PRKN: variants seen among roughly 807,000 people sequenced by gnomAD.
PRKN encodes E3 ubiquitin-protein ligase parkin.
PRKN carries 56 observed loss-of-function variants against 59.5 expected under a neutral mutation model. That is an observed-to-expected ratio of 0.94 (90% CI 0.76 to 1.18). The LOEUF is 1.18. PRKN is among the 50% of genes most tolerant of loss of function. The probability of loss-of-function intolerance (pLI) is 0.00; values close to 1 mark genes in which losing one functional copy is unlikely to be tolerated. For synonymous variants in PRKN, 250 were observed against 222.1 expected (o/e 1.13, Z -1.12); for missense variants, 657 against 596.4 (o/e 1.10, Z -1.06).
In PRKN at chr6:161,592,407, T is replaced by A. The variant is rs2128141101; in HGVS notation, c.872-22991A>T. Among the ~76,000 whole-genome samples, 1 of 152,348 alleles carries A rather than the reference T, an allele frequency of 6.6e-6. No individual in the cohort carries two copies. The highest frequency in any genetic ancestry group is 2.4e-5 in the African/African-American group (1 of 41,580). On this transcript the variant is annotated intron_variant, in intron 7 of 11. Transcript: ENST00000366898. The surrounding 1 kb of genome is among the most constrained non-coding windows in gnomAD (Gnocchi z 4.8). ...ATTCTCTTTAATATACTCTTCTGTT[T>A]ATATAATGTGGGGCTAGTAGACGAA...
At chr6:162,095,932 C>T (rs541710593) in intron 4 of PRKN, among the ~76,000 whole-genome samples, 7 of 152,288 alleles carry the variant, frequency 4.6e-5, no homozygotes, top group Non-Finnish European at 8.8e-5. Flanking sequence ...AGATCCTGGA[C>T]ACACACCCAC....
At chr6:162,172,615 C>A (rs1414387650) in intron 4 of PRKN, among the ~76,000 whole-genome samples, 1 of 152,178 alleles carries the variant, frequency 6.6e-6, no homozygotes, top group Non-Finnish European at 1.5e-5. Context: ...GTGGTGAGAA[C>A]TAAATGAGTT....
At chr6:161,481,347 G>C (rs913232697) in intron 9 of PRKN, among the ~76,000 whole-genome samples, 1 of 152,118 alleles carries the variant, frequency 6.6e-6, no homozygotes, top group Non-Finnish European at 1.5e-5. Context: ...GCTCACTCCT[G>C]TAATCCCAGA....
chr6:162,212,278 C>T (rs756766930), intron 3 of PRKN, among the ~76,000 whole-genome samples: 52 of 152,080 alleles, frequency 3.4e-4, no homozygotes, highest in East Asian at 1.9e-4. Context: ...AGCAATCCCC[C>T]GAGATTTGAA....
chr6:162,721,452 C>A (rs1778939771), intron 1 of PRKN, among the ~76,000 whole-genome samples: 1 of 152,156 alleles, frequency 6.6e-6, no homozygotes, highest in South Asian at 2.1e-4. Flanking sequence ...CAACTTTAAA[C>A]CTACCTCCTT....
chr6:162,514,114 T>C (rs62429613), intron 1 of PRKN, among the ~76,000 whole-genome samples: 39,074 of 152,042 alleles, frequency 0.26, 6,242 homozygotes, highest in Non-Finnish European at 0.37. Context: ...ATTGTGTTTA[T>C]AATAATTCCC....
intron 6 of PRKN, among the ~76,000 whole-genome samples, chr6:161,797,841 T>C (rs112692126): frequency 2.9e-4 from 44 of 152,322 alleles, no homozygotes; most frequent in African/African-American, 9.6e-4. Context: ...CAGAAAAGGA[T>C]TGTATACCAT....
chr6:162,354,710 A>G (rs1427123615), intron 2 of PRKN, among the ~76,000 whole-genome samples: 1 of 152,012 alleles, frequency 6.6e-6, no homozygotes, highest in East Asian at 1.9e-4. Flanking sequence ...TCCCTTCGTT[A>G]TACTGAGGAA....
intron 1 of PRKN, among the ~76,000 whole-genome samples, chr6:162,570,444 A>T (rs1015759327): frequency 9.9e-5 from 15 of 152,220 alleles, no homozygotes; most frequent in Non-Finnish European, 1.9e-4. Flanking sequence ...CTACTATTTG[A>T]TCCTGCAATA....
chr6:162,201,009 C>A, intron 4 of PRKN, 122 bp downstream of exon 4: 1 of 1,127,314 alleles, frequency 8.9e-7, no homozygotes, highest in South Asian at 1.3e-5. Flanking sequence ...CTATCACAAC[C>A]ACAGAAGAGA....
intron 9 of PRKN, among the ~76,000 whole-genome samples, chr6:161,535,105 G>C (rs143256228): frequency 6.6e-6 from 1 of 152,310 alleles, no homozygotes; most frequent in East Asian, 1.9e-4. Flanking sequence ...AGGTGTAAAT[G>C]TCAATCGAAC....
rs1170693935 is a variant in PRKN, at chr6:161,785,896, C to A, written c.747G>T (p.Leu249=). 9 of 1,613,938 alleles carry A rather than the reference C, an allele frequency of 5.6e-6. No homozygotes were observed. Among genetic ancestry groups the A allele is most frequent in the South Asian group, 1.1e-5 (1 of 91,070 alleles). The part of the protein sequence containing the change: ...ITCTDVRSPV[L]VFQCNSRHVI... ...CGTGGCGGGAGTTGCACTGGAAAAC[C>A]AGGACGGGGCTCCTGCAGAGAGAAA... The change falls in exon 7 of 12, where the codon CTG becomes CTT. Residue 249 remains leucine, a synonymous_variant. Coordinates refer to ENST00000366898, the MANE Select transcript of PRKN (RefSeq NM_004562.3).
At chr6:161,899,491 C>A (rs1175757772) in intron 6 of PRKN, among the ~76,000 whole-genome samples, 3 of 152,132 alleles carry the variant, frequency 2.0e-5, no homozygotes, top group Admixed American at 1.3e-4. Flanking sequence ...AGATATCCAG[C>A]CACAGGTGAA....
intron 1 of PRKN, among the ~76,000 whole-genome samples, chr6:162,593,775 T>G (rs932608818): frequency 3.9e-5 from 6 of 152,226 alleles, no homozygotes; most frequent in East Asian, 3.9e-4. Context: ...GAAAGGAAAA[T>G]TTTGGTAGAT....
At chr6:162,214,334 G>A (rs904983098) in intron 3 of PRKN, among the ~76,000 whole-genome samples, 1 of 152,160 alleles carries the variant, frequency 6.6e-6, no homozygotes, top group Non-Finnish European at 1.5e-5. Context: ...TCCCTAGAGA[G>A]TCAAGACAGA....
chr6:162,252,777 A>T (rs1370618345), intron 3 of PRKN, among the ~76,000 whole-genome samples: 3 of 152,258 alleles, frequency 2.0e-5, no homozygotes, highest in Non-Finnish European at 4.4e-5. Context: ...CCACTGACTC[A>T]TTTTGTATTT....
intron 7 of PRKN, among the ~76,000 whole-genome samples, chr6:161,684,465 AT>A (rs1370572414): frequency 6.6e-6 from 1 of 152,124 alleles, no homozygotes; most frequent in Non-Finnish European, 1.5e-5. Context: ...TTTCTCCCCA[AT>A]TGACTAAGAA....
rs202002846 is a variant in PRKN at position 162,556,342 on chromosome 6, G to GGTGTGTGTGTGT, written c.8-112881_8-112870dup. On this transcript the variant is annotated intron_variant, in intron 1 of 11. Transcript: ENST00000366898. The stretch of plus-strand genomic sequence containing the variant: ...GAAACCAAGCAGTAACTACTCAGCT[G>GGTGTGTGTGTGT]GTGTGTGTGTGTGTGTGTGTGTGTG... Among the ~76,000 whole-genome samples the GGTGTGTGTGTGT allele has an allele frequency of 2.0e-3, 114 of 57,236 alleles. 7 individuals carry two copies. Among genetic ancestry groups the GGTGTGTGTGTGT allele is most frequent in the East Asian group, 0.015 (20 of 1,324 alleles). 37.5% of individuals were successfully genotyped at this position (57,236 alleles called of 152,430 possible).
intron 1 of PRKN, among the ~76,000 whole-genome samples, chr6:162,700,692 A>C (rs1778122148): frequency 6.6e-6 from 1 of 152,092 alleles, no homozygotes; most frequent in Non-Finnish European, 1.5e-5. Flanking sequence ...AAATCTGATA[A>C]GCTTATGAAT....
Sources: allele counts gnomAD v4.1 joint callset (sites outside exome capture counted in the v4.1 genomes callset), GRCh38; gene constraint gnomAD v4.1.1; non-coding constraint Gnocchi (gnomAD v3.1); transcripts MANE v1.5; gene names NCBI Gene and HGNC (gene_info 2026-07-23, HGNC 2026-07-21).